DDX5: variants seen among roughly 807,000 people sequenced by gnomAD.
The protein encoded by DDX5 is probable ATP-dependent RNA helicase DDX5.
DDX5 carries 6 observed loss-of-function variants against 68.6 expected under a neutral mutation model. That is an observed-to-expected ratio of 0.09 (90% confidence interval 0.05 to 0.17). The LOEUF is 0.17. Among genes scored for constraint, DDX5 ranks in the 10% least tolerant of loss-of-function variants. The pLI, the probability that DDX5 is intolerant of heterozygous loss-of-function variation, is 1.00. For missense variants in DDX5, 499 were observed against 756.1 expected (o/e 0.66, Z 3.99); for synonymous variants, 350 against 247.0 (o/e 1.42, Z -3.91).
upstream of DDX5, chr17:64,506,480 T>G (rs1436164305): frequency 9.4e-7 from 1 of 1,058,526 alleles, no homozygotes. Flanking sequence ...CACCCACCAT[T>G]GGAATGCCTC....
At position 64,503,964 on chromosome 17, in the gene DDX5, A is replaced by G; in HGVS notation, c.441+19T>C. On this transcript the variant is annotated intron_variant, in intron 4 of 12. Coordinates refer to ENST00000225792, the MANE Select transcript of DDX5 (RefSeq NM_004396.5). ...TTCTTGCATATATCAGATCAACTCA[A>G]GAGTTCTCCCAAACTTACAGACAAT... The G allele has an allele frequency of 6.2e-7, 1 of 1,614,156 alleles. No individual in the cohort carries two copies. The highest frequency in any genetic ancestry group is 1.1e-5 in the South Asian group (1 of 91,082).
Position 64,500,272 on chromosome 17 carries a change from G to A in DDX5, c.1496C>T (p.Ala499Val), listed in dbSNP as rs782748084. 6.8e-6 allele frequency: 11 copies of A among 1,613,876 alleles called. No individual in the cohort carries two copies. The highest frequency in any genetic ancestry group is 1.7e-5 in the Admixed American group (1 of 59,974). The change falls in exon 13 of 13, where the codon GCG becomes GTG. Residue 499 changes from alanine (A) to valine (V), a missense_variant. Physicochemically the swap from Ala to Val is moderately conservative, Grantham distance 64. Around this residue, in one of 5 missense-constraint regions of DDX5, gnomAD observed 171 missense variants for 174.8 expected, o/e 0.98. Coordinates refer to ENST00000225792, the MANE Select transcript of DDX5 (RefSeq NM_004396.5). ...MKDDRRDRYS[A>V]GKRGGFNTFR... The stretch of plus-strand genomic sequence containing the variant: ...GGTATTAAATCCACCCCTTTTGCCC[G>A]CAGAGTATCTGTCCCGACGGTCATC...
chr17:64,505,465 AGTCGGCCGGGCGGC>A (rs1555672090), intron 1 of DDX5: 1 of 565,798 alleles, frequency 1.8e-6, no homozygotes, highest in East Asian at 2.9e-5. Context: ...GCCCGGGCGG[AGTCGGCCGGGCGGC>A]GTTCCCGCTG....
chr17:64,500,371 C>G, intron 12 of DDX5, 45 bp from the exon 13 acceptor site: 1 of 1,568,438 alleles, frequency 6.4e-7, no homozygotes, highest in Non-Finnish European at 8.6e-7. Flanking sequence ...GTCTATGACA[C>G]AAATCATTGT....
intron 1 of DDX5, chr17:64,505,659 C>A (rs543956514): frequency 7.2e-7 from 1 of 1,393,148 alleles, no homozygotes; most frequent in African/African-American, 1.5e-5. Flanking sequence ...CGCCCTCCTA[C>A]CCCAACAGCA....
intron 11 of DDX5, 74 bp from the exon 12 acceptor site, chr17:64,500,847 A>G (rs893906938): frequency 3.6e-6 from 4 of 1,101,114 alleles, no homozygotes; most frequent in Non-Finnish European, 5.5e-6. Flanking sequence ...ACCAAAAATA[A>G]AAAGTTAGAC....
intron 11 of DDX5, 99 bp from the exon 12 acceptor site, chr17:64,500,872 G>A (rs1598146387): frequency 1.2e-6 from 1 of 849,378 alleles, no homozygotes; most frequent in Non-Finnish European, 1.9e-6. Context: ...GTATTCCCAA[G>A]AAGGTACGGG....
rs1475813865 is a variant in DDX5, at chr17:64,504,380, T to C, written c.211-62A>G. Reference sequence around the variant, plus strand: ...CAACCACCCCTAGCTAAATACGTAATTGATAAGCCCCTAACTTCATAATTT... The same window carrying C: ...CAACCACCCCTAGCTAAATACGTAACTGATAAGCCCCTAACTTCATAATTT... On this transcript the variant is annotated intron_variant, in intron 2 of 12. Transcript: ENST00000225792. 5 of 1,388,126 alleles carry C rather than the reference T, an allele frequency of 3.6e-6. No homozygotes were observed. In the African/African-American group the frequency reaches 4.3e-5, roughly 12 times the overall value. 86.0% of individuals were successfully genotyped at this position (1,388,126 alleles called of 1,614,324 possible).
Position 64,499,809 on chromosome 17 carries a change from T to G in DDX5, c.*114A>C. ...CGAAAAAGTGCACCATAATTACTGC[T>G]GCACTGCAGTCATTTCTGCAATTCC... On this transcript the variant is annotated 3_prime_UTR_variant, in exon 13 of 13. Coordinates refer to ENST00000225792, the MANE Select transcript of DDX5 (RefSeq NM_004396.5). 1.0e-6 allele frequency: 1 copy of G among 966,228 alleles called. No homozygotes were observed. The highest frequency in any genetic ancestry group is 1.5e-6 in the Non-Finnish European group (1 of 681,950). The allele number at this position is 966,228 out of a possible 1,614,324, so 59.9% of individuals were successfully genotyped here.
intron 11 of DDX5, chr17:64,501,092 T>G: frequency 2.9e-6 from 1 of 341,016 alleles, no homozygotes; most frequent in Non-Finnish European, 5.5e-6. Context: ...TTCTGCGCAG[T>G]AGGGCCACTT....
At chr17:64,502,262 G>A (rs782721045) in intron 9 of DDX5, 39 bp from the exon 10 acceptor site, 1 of 1,607,448 alleles carries the variant, frequency 6.2e-7, no homozygotes, top group South Asian at 1.1e-5. Context: ...AACTCACATT[G>A]AAAACCTCAG....
chr17:64,503,658 G>A lies in DDX5; in HGVS notation c.508-87C>T, dbSNP rs903778243. ...TTATACTAGCAGATCCTTTCTTCAT[G>A]TGTTGTCCAATACCCAAAACAGCTC... On this transcript the variant is annotated intron_variant, in intron 5 of 12. Coordinates refer to ENST00000225792, the MANE Select transcript of DDX5 (RefSeq NM_004396.5). 5.7e-6 allele frequency: 9 copies of A among 1,570,360 alleles called. No individual in the cohort carries two copies. In the Admixed American group the frequency reaches 9.0e-5, roughly 16 times the overall value.
rs202129128 is a variant in DDX5 at position 64,503,967 on chromosome 17, G to A, written c.441+16C>T. ...TTGCATATATCAGATCAACTCAAGAGTTCTCCCAAACTTACAGACAATGTT... is the reference window on the plus strand; with the variant it reads ...TTGCATATATCAGATCAACTCAAGAATTCTCCCAAACTTACAGACAATGTT... On this transcript the variant is annotated intron_variant, in intron 4 of 12. Coordinates refer to ENST00000225792, the MANE Select transcript of DDX5 (RefSeq NM_004396.5). The A allele has an allele frequency of 8.1e-4, 1,302 of 1,613,976 alleles. No homozygotes were observed. Among genetic ancestry groups the A allele is most frequent in the Non-Finnish European group, 1.0e-3 (1,211 of 1,180,002 alleles).
Position 64,503,175 on chromosome 17 carries a change from A to T in DDX5, c.810+13T>A. The T allele has an allele frequency of 6.2e-7, 1 of 1,613,710 alleles. No individual in the cohort carries two copies. Among genetic ancestry groups the T allele is most frequent in the Non-Finnish European group, 8.5e-7 (1 of 1,179,760 alleles). Reference sequence around the variant, plus strand: ...ACAATTCAGTTTGATCACATATTTCAAAGGACACTTACTCTTATTTGATCC... The same window carrying T: ...ACAATTCAGTTTGATCACATATTTCTAAGGACACTTACTCTTATTTGATCC... On this transcript the variant is annotated intron_variant, in intron 7 of 12. Transcript: ENST00000225792.
rs782213689 is a variant in DDX5, at chr17:64,502,560, G to A, written c.984-11C>T. 9 of 1,577,442 alleles carry A rather than the reference G, an allele frequency of 5.7e-6. No homozygotes were observed. The highest frequency in any genetic ancestry group is 3.3e-5 in the South Asian group (3 of 90,094). On this transcript the variant is annotated splice_polypyrimidine_tract_variant and intron_variant, in intron 8 of 12. Transcript: ENST00000225792. ...ATTAGACGAATAAGTCTAATAATAG[G>A]AGAGAGAAAGGAAAAATCCTGAGTT...
intron 2 of DDX5, 140 bp from the exon 3 acceptor site, chr17:64,504,458 C>T (rs907788842): frequency 1.1e-6 from 1 of 909,206 alleles, no homozygotes; most frequent in East Asian, 2.6e-5. Flanking sequence ...CTATGAACAC[C>T]CTATTATGAA....
upstream of DDX5, chr17:64,506,512 A>T (rs1244835003): frequency 7.4e-5 from 56 of 753,800 alleles, 1 homozygote; most frequent in East Asian, 1.3e-3. Context: ...TCTTGACCTC[A>T]CCTTCTTCTG....
chr17:64,498,423 A>G lies in DDX5; in HGVS notation c.*1500T>C, dbSNP rs563384507. ...TTAAAAGGCCCACGGTTAAGACATT[A>G]AACAGTAAAATATGTAATAAATGCT... On this transcript the variant is annotated 3_prime_UTR_variant, in exon 13 of 13. Coordinates refer to ENST00000225792, the MANE Select transcript of DDX5 (RefSeq NM_004396.5). 1.1e-4 allele frequency among the ~76,000 whole-genome samples: 16 copies of G among 152,346 alleles called. No individual in the cohort carries two copies. The South Asian group carries it at 3.3e-3, about 32-fold the overall frequency.
intron 1 of DDX5, 85 bp from the exon 2 acceptor site, chr17:64,504,927 AAAAACCACTG>A (rs2038394628): frequency 8.1e-6 from 11 of 1,358,750 alleles, no homozygotes. Context: ...GGCACAAGCT[AAAAACCACTG>A]AAAACAGACT....
Sources: allele counts gnomAD v4.1 joint callset (sites outside exome capture counted in the v4.1 genomes callset), GRCh38; gene constraint gnomAD v4.1.1; regional missense constraint gnomAD v4.1.1; transcripts MANE v1.5; gene names NCBI Gene and HGNC (gene_info 2026-07-23, HGNC 2026-07-21).